The following LGMN variants were observed in gnomAD, a reference collection of about 807,000 sequenced individuals.
The protein encoded by LGMN is legumain.
LGMN carries 36 observed loss-of-function variants against 56.8 expected under a neutral mutation model. The ratio of observed to expected loss-of-function variants is 0.63; its 90% CI spans 0.49 to 0.84. The LOEUF is 0.84. Among genes scored for constraint, LGMN ranks in the 40% least tolerant of loss-of-function variants. LGMN has a pLI of 0.00. For missense variants in LGMN, 446 were observed against 556.1 expected, an observed-to-expected ratio of 0.80 and a Z score of 1.99; for synonymous variants, 199 against 210.1, an observed-to-expected ratio of 0.95 and a Z score of 0.46.
rs1157955787 is a variant in LGMN, at chr14:92,744,594, G to GTT, written c.-30+3893_-30+3894dup. On this transcript the variant is annotated intron_variant, in intron 1 of 13. Coordinates refer to ENST00000334869, the MANE Select transcript of LGMN (RefSeq NM_005606.7). ...TTTTTTTTAAGGAAATTATCCTTTA[G>GTT]TTTTTTTTTTTTTTTTTTGAGACGG... Among the ~76,000 whole-genome samples, 596 of 128,194 alleles carry GTT rather than the reference G, an allele frequency of 4.6e-3. 3 individuals are homozygous for GTT. The highest frequency in any genetic ancestry group is 0.014 in the African/African-American group (486 of 33,816). 84.1% of individuals were successfully genotyped at this position (128,194 alleles called of 152,430 possible).
chr14:92,716,086 G>A (rs368756270), intron 5 of LGMN, 50 bp downstream of exon 5: 18 of 1,235,610 alleles, frequency 1.5e-5, no homozygotes, highest in Non-Finnish European at 1.9e-5. Context: ...TTCTCTATAC[G>A]GGGGTCCCAA....
At chr14:92,708,856 C>CAAAAAAAAA (rs58813848) in intron 11 of LGMN, among the ~76,000 whole-genome samples, 3,920 of 71,364 alleles carry the variant, frequency 0.055, 393 homozygotes, top group African/African-American at 0.078. Flanking sequence ...ACTCTTGTCT[C>CAAAAAAAAA]AAAAAAAAAA....
chr14:92,724,367 C>T (rs1037404160), intron 2 of LGMN, among the ~76,000 whole-genome samples: 2 of 152,196 alleles, frequency 1.3e-5, no homozygotes, highest in Admixed American at 1.3e-4. Context: ...CACTCACTGC[C>T]TCCTCATCAG....
chr14:92,709,773 T>C lies in LGMN; in HGVS notation c.919A>G (p.Ser307Gly), dbSNP rs762692980. The change falls in exon 11 of 14, where the codon AGC (serine) becomes GGC (glycine). Residue 307 changes from serine to glycine, a missense_variant. Transcript: ENST00000334869. ...ATGATGGTGAGAGGCACATCAGGGC[T>C]GGGGGTGAGGTCAAGGTGTGTGACT... ...PPVTHLDLTPSPDVPLTIMKR... is the reference protein window; with the variant it reads ...PPVTHLDLTPGPDVPLTIMKR... 1.5e-5 allele frequency: 24 copies of C among 1,613,912 alleles called. No individual in the cohort carries two copies. The highest frequency in any genetic ancestry group is 2.0e-5 in the Non-Finnish European group (24 of 1,179,952).
intron 1 of LGMN, among the ~76,000 whole-genome samples, chr14:92,736,991 G>A (rs1412774116): frequency 6.6e-6 from 1 of 152,118 alleles, no homozygotes; most frequent in African/African-American, 2.4e-5. Context: ...CACTACCAAG[G>A]TGTTCCAACC....
intron 12 of LGMN, among the ~76,000 whole-genome samples, chr14:92,705,522 A>AAAC (rs1889386197): frequency 2.9e-5 from 4 of 136,046 alleles, no homozygotes; most frequent in Admixed American, 7.6e-5. Flanking sequence ...AACAAACAAA[A>AAAC]AAAACAAGAC....
At chr14:92,704,558 G>A in intron 13 of LGMN, 82 bp downstream of exon 13, 1 of 1,264,338 alleles carries the variant, frequency 7.9e-7, no homozygotes, top group Non-Finnish European at 1.2e-6. Context: ...AAGTGAAAAT[G>A]CCCACTTGCA....
chr14:92,732,357 C>A, intron 2 of LGMN: 2 of 327,016 alleles, frequency 6.1e-6, no homozygotes, highest in Non-Finnish European at 1.1e-5. Flanking sequence ...TGGTCCCCAA[C>A]TATCAACAGT....
intron 2 of LGMN, among the ~76,000 whole-genome samples, chr14:92,719,127 AACCACCGCCACCGCCACC>A (rs965131596): frequency 9.7e-5 from 14 of 144,134 alleles, no homozygotes; most frequent in African/African-American, 2.1e-4. Context: ...CCACCACCAC[AACCACCGCCACCGCCACC>A]ACCACCGCCA....
intron 1 of LGMN, among the ~76,000 whole-genome samples, chr14:92,740,498 G>C (rs566831956): frequency 2.9e-4 from 44 of 152,304 alleles, no homozygotes; most frequent in African/African-American, 1.0e-3. Flanking sequence ...AGATCTGACG[G>C]CAAAGACTGT....
At chr14:92,726,098 G>A (rs1216123844) in intron 2 of LGMN, among the ~76,000 whole-genome samples, 3 of 151,442 alleles carry the variant, frequency 2.0e-5, no homozygotes, top group East Asian at 2.0e-4. Flanking sequence ...TTAGCCGGGC[G>A]TGGTGGCAGG....
chr14:92,722,562 C>A (rs138218152), intron 2 of LGMN, among the ~76,000 whole-genome samples: 20 of 151,854 alleles, frequency 1.3e-4, no homozygotes, highest in African/African-American at 4.4e-4. Context: ...CCAGCCTGGG[C>A]GACAGAGCAA....
intron 2 of LGMN, among the ~76,000 whole-genome samples, chr14:92,726,237 C>CAAA (rs371855377): frequency 1.7e-5 from 2 of 117,966 alleles, no homozygotes; most frequent in Non-Finnish European, 1.8e-5. Flanking sequence ...GGCTCTGTCT[C>CAAA]AAAAAAAAAA....
intron 1 of LGMN, among the ~76,000 whole-genome samples, chr14:92,735,740 G>A (rs1414764027): frequency 1.3e-5 from 2 of 152,064 alleles, no homozygotes; most frequent in Non-Finnish European, 2.9e-5. Context: ...TAGCTCCACT[G>A]CAAGGTCAAT....
intron 1 of LGMN, among the ~76,000 whole-genome samples, chr14:92,745,051 A>G (rs1891758652): frequency 6.6e-6 from 1 of 152,134 alleles, no homozygotes; most frequent in Non-Finnish European, 1.5e-5. Flanking sequence ...TAATCCCAGT[A>G]CTCTGGGAGG....
At position 92,744,890 on chromosome 14, in the gene LGMN, G is replaced by A. The variant is rs748363508; in HGVS notation, c.-30+3599C>T. Among the ~76,000 whole-genome samples, 37 of 152,204 alleles carry A rather than the reference G, an allele frequency of 2.4e-4. 1 individual carries two copies. The highest frequency in any genetic ancestry group is 4.4e-4 in the Non-Finnish European group (30 of 68,008). ...ATTACAGGTGTGAGCCACCGCGCCT[G>A]GCCTATCTTTTAGTATTATGGAAAG... On this transcript the variant is annotated intron_variant, in intron 1 of 13. Coordinates refer to ENST00000334869, the MANE Select transcript of LGMN (RefSeq NM_005606.7).
intron 1 of LGMN, 60 bp downstream of exon 1, chr14:92,748,429 G>T: frequency 6.5e-6 from 1 of 153,426 alleles, no homozygotes. Context: ...AGAGCAGACG[G>T]GAGGCCCTGG....
chr14:92,726,685 C>A (rs1365737401), intron 2 of LGMN, among the ~76,000 whole-genome samples: 1 of 152,168 alleles, frequency 6.6e-6, no homozygotes, highest in Non-Finnish European at 1.5e-5. Context: ...CATGCCCTCA[C>A]CCTACCTTGC....
intron 10 of LGMN, 26 bp from the exon 11 acceptor site, chr14:92,709,898 G>T: frequency 1.3e-6 from 2 of 1,556,766 alleles, no homozygotes; most frequent in Non-Finnish European, 1.7e-6. Context: ...GCAAGAGAGA[G>T]CGAGAGAGAA....
Sources: allele counts gnomAD v4.1 joint callset (sites outside exome capture counted in the v4.1 genomes callset), GRCh38; gene constraint gnomAD v4.1.1; transcripts MANE v1.5; gene names NCBI Gene and HGNC (gene_info 2026-07-23, HGNC 2026-07-21).